PAM: variants seen among roughly 807,000 people sequenced by gnomAD.
PAM encodes the protein peptidyl-glycine alpha-amidating monooxygenase.
Under a neutral mutation model 122.1 loss-of-function variants are expected in PAM, and 72 were observed. The ratio of observed to expected loss-of-function variants is 0.59; its 90% confidence interval spans 0.49 to 0.72. The LOEUF (loss-of-function observed/expected upper bound fraction) is 0.72, where lower values mean the gene tolerates loss of function less well. PAM is among the 30% of genes least tolerant of loss of function. PAM has a pLI of 0.00. For synonymous variants in PAM, 389 were observed against 404.4 expected, an observed-to-expected ratio of 0.96 and a Z score of 0.46; for missense variants, 1,106 against 1,183.7, an observed-to-expected ratio of 0.93 and a Z score of 0.96.
At chr5:102,832,448 C>T (rs1485495810) in intron 1 of PAM, among the ~76,000 whole-genome samples, 1 of 151,876 alleles carries the variant, frequency 6.6e-6, no homozygotes, top group African/African-American at 2.4e-5. Flanking sequence ...CATAATAGTA[C>T]TGAATCCTAT....
intron 3 of PAM, among the ~76,000 whole-genome samples, chr5:102,893,057 C>T (rs999327560): frequency 6.6e-6 from 1 of 151,716 alleles, no homozygotes; most frequent in Non-Finnish European, 1.5e-5. Context: ...TTAAAGGTAT[C>T]TCACTTTCTT....
intron 15 of PAM, among the ~76,000 whole-genome samples, chr5:102,988,458 C>T (rs1310655380): frequency 6.6e-6 from 1 of 152,006 alleles, no homozygotes; most frequent in Non-Finnish European, 1.5e-5. Context: ...CTATTATAGC[C>T]CTATTATATC....
At chr5:102,783,874 G>A (rs1216218682) in intron 1 of PAM, among the ~76,000 whole-genome samples, 6 of 151,960 alleles carry the variant, frequency 3.9e-5, no homozygotes, top group Admixed American at 2.6e-4. Flanking sequence ...CTTGGATCAA[G>A]TTCAAAATTC....
chr5:102,989,413 G>A (rs1361615150), intron 15 of PAM, among the ~76,000 whole-genome samples: 1 of 152,068 alleles, frequency 6.6e-6, no homozygotes, highest in Non-Finnish European at 1.5e-5. Flanking sequence ...AGACCGAGGT[G>A]GGAGGATTGC....
At chr5:102,924,891 C>A in intron 5 of PAM, 66 bp from the exon 6 acceptor site, 1 of 858,388 alleles carries the variant, frequency 1.2e-6, no homozygotes, top group Non-Finnish European at 2.0e-6. Flanking sequence ...CACCTCCCAC[C>A]ATGGGGAGCA....
At chr5:102,901,746 T>C (rs891322564) in intron 4 of PAM, among the ~76,000 whole-genome samples, 1 of 151,576 alleles carries the variant, frequency 6.6e-6, no homozygotes, top group Non-Finnish European at 1.5e-5. Flanking sequence ...ACAGTTTATT[T>C]ACCTGCTGGT....
chr5:102,866,513 A>T, intron 2 of PAM: 1 of 546,576 alleles, frequency 1.8e-6, no homozygotes, highest in South Asian at 2.2e-5. Context: ...GATTTCCAAA[A>T]CTAATCACTC....
chr5:102,791,758 C>G (rs1253357732), intron 1 of PAM, among the ~76,000 whole-genome samples: 1 of 152,182 alleles, frequency 6.6e-6, no homozygotes, highest in South Asian at 2.1e-4. Context: ...CTTCTTTCAA[C>G]CCTGGGTTGA....
chr5:102,819,401 A>G lies in PAM; in HGVS notation c.-373-46422A>G, dbSNP rs571820310. Among the ~76,000 whole-genome samples the G allele has an allele frequency of 9.0e-4, 137 of 152,066 alleles. 1 individual carries two copies. Among genetic ancestry groups the G allele is most frequent in the Non-Finnish European group, 1.7e-3 (118 of 67,990 alleles). On this transcript the variant is annotated intron_variant, in intron 1 of 25. Transcript: ENST00000438793. ...TGTGATAATATGAATATATTCACAA[A>G]TATACATATAATAGTATAAATTTGT...
chr5:102,933,708 C>G lies in PAM; in HGVS notation c.526+7040C>G, dbSNP rs79080191. On this transcript the variant is annotated intron_variant, in intron 7 of 25. Coordinates refer to ENST00000438793, the MANE Select transcript of PAM (RefSeq NM_001177306.2). Reference sequence around the variant, plus strand: ...ACTGTGACTCCAGCTGTATCTCTGCCTCTTAGAAGACTACTGCCAGGAAGC... The same window carrying G: ...ACTGTGACTCCAGCTGTATCTCTGCGTCTTAGAAGACTACTGCCAGGAAGC... Among the ~76,000 whole-genome samples the G allele has an allele frequency of 5.7e-3, 870 of 152,300 alleles. 12 individuals carry two copies. The highest frequency in any genetic ancestry group is 0.025 in the Admixed American group (387 of 15,300).
intron 8 of PAM, among the ~76,000 whole-genome samples, chr5:102,947,937 T>C (rs543716178): frequency 1.3e-5 from 2 of 152,290 alleles, no homozygotes; most frequent in South Asian, 4.1e-4. Flanking sequence ...AGGGTTGATG[T>C]TGCATTCTTG....
intron 15 of PAM, among the ~76,000 whole-genome samples, chr5:102,977,755 C>T (rs946149395): frequency 3.3e-5 from 5 of 151,488 alleles, no homozygotes; most frequent in Admixed American, 3.3e-4. Flanking sequence ...AATTTGGAAA[C>T]TACTTCATGG....
At chr5:102,760,992 C>G (rs1378219129) in intron 1 of PAM, among the ~76,000 whole-genome samples, 1 of 152,206 alleles carries the variant, frequency 6.6e-6, no homozygotes, top group Non-Finnish European at 1.5e-5. Context: ...CTGCTGAACA[C>G]TGTCTTGAGC....
intron 3 of PAM, among the ~76,000 whole-genome samples, chr5:102,885,327 T>C (rs2151193046): frequency 6.6e-6 from 1 of 152,106 alleles, no homozygotes; most frequent in African/African-American, 2.4e-5. Flanking sequence ...TCTGTTTATC[T>C]TACCATTTCT....
intron 3 of PAM, among the ~76,000 whole-genome samples, chr5:102,871,736 T>TTATA (rs569403415): frequency 1.4e-5 from 2 of 146,514 alleles, no homozygotes; most frequent in Non-Finnish European, 3.0e-5. Flanking sequence ...TTTATATATA[T>TTATA]TATATATATA....
chr5:102,889,177 T>A (rs987533900), intron 3 of PAM, among the ~76,000 whole-genome samples: 2 of 151,942 alleles, frequency 1.3e-5, no homozygotes, highest in Admixed American at 6.6e-5. Flanking sequence ...TCCAGGAGGC[T>A]GACCTTTATG....
intron 1 of PAM, among the ~76,000 whole-genome samples, chr5:102,863,481 C>G (rs958724105): frequency 6.6e-6 from 1 of 151,982 alleles, no homozygotes; most frequent in South Asian, 2.1e-4. Flanking sequence ...TTTTATAGTA[C>G]TCATATAGAA....
intron 22 of PAM, among the ~76,000 whole-genome samples, chr5:103,018,311 A>C (rs1782600501): frequency 6.6e-6 from 1 of 152,232 alleles, no homozygotes; most frequent in African/African-American, 2.4e-5. Flanking sequence ...AAAAGGAAAA[A>C]CATAAATTAT....
At chr5:102,759,332 G>A (rs1751639168) in intron 1 of PAM, among the ~76,000 whole-genome samples, 1 of 152,088 alleles carries the variant, frequency 6.6e-6, no homozygotes, top group Non-Finnish European at 1.5e-5. Flanking sequence ...CTGAAGAGGT[G>A]GGAAGATTGA....
Sources: allele counts gnomAD v4.1 joint callset (sites outside exome capture counted in the v4.1 genomes callset), GRCh38; gene constraint gnomAD v4.1.1; transcripts MANE v1.5; gene names NCBI Gene and HGNC (gene_info 2026-07-23, HGNC 2026-07-21).